Variants in PCDHGA8 observed in about 807,000 individuals in gnomAD.
PCDHGA8 encodes protocadherin gamma-A8.
PCDHGA8 carries 45 observed loss-of-function variants against 59.2 expected under a neutral mutation model. That is an observed-to-expected ratio of 0.76 (90% CI 0.60 to 0.98). The LOEUF (loss-of-function observed/expected upper bound fraction) is 0.98. PCDHGA8 is among the 50% of genes least tolerant of loss of function. The probability of loss-of-function intolerance (pLI) is 0.00; values close to 1 mark genes in which losing one functional copy is unlikely to be tolerated. For missense variants in PCDHGA8, 1,257 were observed against 1,196.2 expected, an observed-to-expected ratio of 1.05 and a Z score of -0.75; for synonymous variants, 531 against 519.0, an observed-to-expected ratio of 1.02 and a Z score of -0.32.
chr5:141,393,578 G>A lies in PCDHGA8; in HGVS notation c.765G>A (p.Met255Ile), dbSNP rs748225192. The A allele has an allele frequency of 1.2e-6, 2 of 1,613,812 alleles. No homozygotes were observed. Among genetic ancestry groups the A allele is most frequent in the South Asian group, 1.1e-5 (1 of 91,094 alleles). The part of the protein sequence containing the change: ...PIYRVKVLEN[M>I]PPGTRLLTVT... The stretch of plus-strand genomic sequence containing the variant: ...ACCGAGTGAAAGTCCTTGAGAACAT[G>A]CCCCCAGGCACGCGGCTGCTTACTG... The change falls in exon 1 of 4, where the codon ATG becomes ATA. Residue 255 changes from methionine to isoleucine, a missense_variant. By Grantham distance (10) the Met-to-Ile change is conservative. Coordinates refer to ENST00000398604, the MANE Select transcript of PCDHGA8 (RefSeq NM_032088.2).
In PCDHGA8 at chr5:141,476,737, G is replaced by A. The variant is rs1420138912; in HGVS notation, c.2425-18070G>A. ...AGCGCGCCCTGGACCGAGAACGGGA[G>A]CCTAGTCTCCAGTTAGTGCTGACGG... is the stretch of plus-strand genomic sequence containing the variant. On this transcript the variant is annotated intron_variant, in intron 1 of 3. Coordinates refer to ENST00000398604, the MANE Select transcript of PCDHGA8 (RefSeq NM_032088.2). This position sits in a 1 kb window ranked among gnomAD's most constrained non-coding sequence, Gnocchi z 7.6. The A allele has an allele frequency of 3.1e-6, 5 of 1,613,982 alleles. No individual in the cohort carries two copies. Among genetic ancestry groups the A allele is most frequent in the Non-Finnish European group, 4.2e-6 (5 of 1,180,038 alleles).
At position 141,393,662 on chromosome 5, in the gene PCDHGA8, A is replaced by T. The variant is rs1442061423; in HGVS notation, c.849A>T (p.Lys283Asn). The T allele has an allele frequency of 8.7e-6, 14 of 1,613,816 alleles. No individual in the cohort carries two copies. In the Admixed American group the frequency reaches 2.3e-4, roughly 27 times the overall value. The change falls in exon 1 of 4, where the codon AAA (lysine) becomes AAT (asparagine). Residue 283 changes from lysine (K) to asparagine (N), a missense_variant. Transcript: ENST00000398604. ...INGKVAYKFR[K>N]INEKQTPLFQ... ...GAAAAGTGGCATACAAATTCCGGAAAATTAATGAAAAACAAACTCCGTTAT... is the reference window on the plus strand; with the variant it reads ...GAAAAGTGGCATACAAATTCCGGAATATTAATGAAAAACAAACTCCGTTAT...
At chr5:141,405,032 G>A (rs747720731) in intron 1 of PCDHGA8, 25 of 1,613,806 alleles carry the variant, frequency 1.5e-5, no homozygotes, top group African/African-American at 6.7e-5. Context: ...CCTCTACCTC[G>A]TTGTGGCTGT....
chr5:141,427,046 C>G (rs916723344), intron 1 of PCDHGA8: 2 of 457,362 alleles, frequency 4.4e-6, no homozygotes, highest in Admixed American at 4.7e-5. Context: ...AGAATGTGCC[C>G]CCAGGCACCT....
At chr5:141,399,146 G>C (rs758823968) in intron 1 of PCDHGA8, 1 of 1,613,792 alleles carries the variant, frequency 6.2e-7, no homozygotes, top group South Asian at 1.1e-5. Context: ...AATGACAATA[G>C]CCCAGAAGTT....
In PCDHGA8 at chr5:141,511,188, C is replaced by A; in HGVS notation, c.*15C>A. 1 of 1,613,804 alleles carries A rather than the reference C, an allele frequency of 6.2e-7. No homozygotes were observed. ...AGAAGAAGTAACATGGAGGCCAGGC[C>A]AAGAGCCACAGGGCGGCCTCTCCCC... On this transcript the variant is annotated 3_prime_UTR_variant, in exon 4 of 4. Transcript: ENST00000398604.
chr5:141,457,416 C>T (rs1378171092), intron 1 of PCDHGA8, among the ~76,000 whole-genome samples: 1 of 152,172 alleles, frequency 6.6e-6, no homozygotes, highest in Non-Finnish European at 1.5e-5. Flanking sequence ...ATTACCCATC[C>T]CTTTTTCCCC....
intron 1 of PCDHGA8, chr5:141,418,103 G>A: frequency 1.2e-6 from 2 of 1,614,076 alleles, no homozygotes; most frequent in African/African-American, 1.3e-5. Flanking sequence ...CGCGCAGAGC[G>A]GGGACTTACT....
intron 1 of PCDHGA8, among the ~76,000 whole-genome samples, chr5:141,463,505 G>A (rs1213601894): frequency 7.3e-6 from 1 of 137,472 alleles, no homozygotes; most frequent in Non-Finnish European, 1.5e-5. Flanking sequence ...CTGGAGTGAC[G>A]TGGCGTGATC....
intron 1 of PCDHGA8, among the ~76,000 whole-genome samples, chr5:141,456,266 C>G (rs1273258132): frequency 6.6e-6 from 1 of 152,128 alleles, no homozygotes; most frequent in Non-Finnish European, 1.5e-5. Context: ...TTGCTTCTGG[C>G]TACTTCCTGC....
chr5:141,430,617 C>G, intron 1 of PCDHGA8: 1 of 715,450 alleles, frequency 1.4e-6, no homozygotes, highest in South Asian at 3.9e-5. Context: ...AAGCAGATAG[C>G]TAGGAATGAA....
chr5:141,494,773 G>C, intron 1 of PCDHGA8, 34 bp from the exon 2 acceptor site: 1 of 1,613,966 alleles, frequency 6.2e-7, no homozygotes, highest in Non-Finnish European at 8.5e-7. Context: ...CTTCTCACGG[G>C]TACTCAGCCC....
rs1158003183 is a variant in PCDHGA8, at chr5:141,397,388, G to A, written c.2424+2151G>A. Among the ~76,000 whole-genome samples the A allele has an allele frequency of 3.9e-5, 6 of 152,232 alleles. No individual in the cohort carries two copies. In the East Asian group the frequency reaches 1.2e-3, roughly 29 times the overall value. Reference sequence around the variant, plus strand: ...GATGTTTGGGGATTGGTATAAAATTGCCACAACTTTACAAAATAGTTTTAA... The same window carrying A: ...GATGTTTGGGGATTGGTATAAAATTACCACAACTTTACAAAATAGTTTTAA... On this transcript the variant is annotated intron_variant, in intron 1 of 3. Transcript: ENST00000398604.
chr5:141,405,514 A>C, intron 1 of PCDHGA8: 1 of 704,834 alleles, frequency 1.4e-6, no homozygotes, highest in Non-Finnish European at 2.3e-6. Context: ...CCGCCTCCCA[A>C]ATTCAAGCGA....
intron 1 of PCDHGA8, chr5:141,421,710 A>G (rs781498853): frequency 1.2e-6 from 2 of 1,613,940 alleles, no homozygotes; most frequent in South Asian, 2.2e-5. Flanking sequence ...CTAGGGATCC[A>G]GATGTGGGCG....
At chr5:141,421,892 T>C in intron 1 of PCDHGA8, 1 of 1,613,684 alleles carries the variant, frequency 6.2e-7, no homozygotes, top group Non-Finnish European at 8.5e-7. Context: ...GGCGATCCCA[T>C]CCGAAAGGGC....
At position 141,431,017 on chromosome 5, in the gene PCDHGA8, G is replaced by A. The variant is rs768036730; in HGVS notation, c.2424+35780G>A. 2.5e-6 allele frequency: 4 copies of A among 1,613,768 alleles called. No homozygotes were observed. Among genetic ancestry groups the A allele is most frequent in the South Asian group, 1.1e-5 (1 of 91,084 alleles). ...ATCCGCGCAGCGGCAGCTTGGTCAC[G>A]GCGGGCAGGATAGACCGGGAGGAGC... On this transcript the variant is annotated intron_variant, in intron 1 of 3. Transcript: ENST00000398604. This position sits in a 1 kb window ranked among gnomAD's most constrained non-coding sequence, Gnocchi z 4.8.
At chr5:141,409,830 G>T in intron 1 of PCDHGA8, 1 of 1,611,250 alleles carries the variant, frequency 6.2e-7, no homozygotes, top group South Asian at 1.1e-5. Flanking sequence ...CCCACGCTCA[G>T]CGCCAACGTG....
At chr5:141,508,267 C>G (rs993402135) in intron 3 of PCDHGA8, 5 of 152,336 alleles carry the variant, frequency 3.3e-5, no homozygotes, top group African/African-American at 9.6e-5. Context: ...AAGAGAAAAT[C>G]CCGGTCCTTG....
Sources: gnomAD v4.1 joint callset for allele counts (sites outside exome capture counted in the v4.1 genomes callset) on GRCh38, gnomAD v4.1.1 for gene constraint, Gnocchi (gnomAD v3.1) non-coding constraint, MANE v1.5 for transcripts, NCBI Gene and HGNC (gene_info 2026-07-23, HGNC 2026-07-21) for gene names.